MUC4: variants seen among roughly 807,000 people sequenced by gnomAD.
MUC4 encodes the protein mucin 4, cell surface associated, also known as mucin-4.
Under a neutral mutation model 257.9 loss-of-function variants are expected in MUC4, and 202 were observed. The observed-to-expected ratio is 0.78, with a 90% CI of 0.70 to 0.88. The LOEUF (loss-of-function observed/expected upper bound fraction) is 0.88. Ranked by LOEUF, MUC4 falls within the 40% of genes least tolerant of loss-of-function variation. The pLI, the probability that MUC4 is intolerant of heterozygous loss-of-function variation, is 0.00. For missense variants in MUC4, 5,976 were observed against 6,513.7 expected (o/e 0.92, Z 2.84); for synonymous variants, 2,351 against 2,757.1 (o/e 0.85, Z 4.62).
At chr3:195,798,481 A>C (rs1354206423) in intron 1 of MUC4, among the ~76,000 whole-genome samples, 1 of 152,150 alleles carries the variant, frequency 6.6e-6, no homozygotes, top group African/African-American at 2.4e-5. Context: ...AGGTGGGCGG[A>C]TCATGAGGTC....
At position 195,757,437 on chromosome 3, in the gene MUC4, C is replaced by T; in HGVS notation, c.14987-109G>A. 1 of 990,958 alleles carries T rather than the reference C, an allele frequency of 1.0e-6. No individual in the cohort carries two copies. The highest frequency in any genetic ancestry group is 1.5e-6 in the Non-Finnish European group (1 of 677,188). 61.4% of individuals were successfully genotyped at this position (990,958 alleles called of 1,614,324 possible). A position where few individuals can be genotyped will look rare whatever the true frequency, so the allele number is the denominator to read the frequency against. The stretch of plus-strand genomic sequence containing the variant: ...CCCTCTCAGGCCACCCTCCCCCTCC[C>T]CAGACAAATCTCATTGGTCATTTCC... On this transcript the variant is annotated intron_variant, in intron 17 of 24. Coordinates refer to ENST00000463781, the MANE Select transcript of MUC4 (RefSeq NM_018406.7). This position sits in a 1 kb window ranked among gnomAD's most constrained non-coding sequence, Gnocchi z 4.8.
In MUC4 at chr3:195,790,436, T is replaced by C. The variant is rs1733715574; in HGVS notation, c.1144A>G (p.Ser382Gly). ...SGETTTSSPS[S>G]VSNTFLVTSK... ...GTTACCAGGAATGTATTGCTGACAC[T>C]GGAAGGGGATGAGGTGGTTGTTTCA... is the stretch of plus-strand genomic sequence containing the variant. The change falls in exon 2 of 25, where the codon AGT becomes GGT. Residue 382 changes from serine (S) to glycine (G), a missense_variant. Around this residue, in one of 44 missense-constraint regions of MUC4, gnomAD observed 1,583 missense variants for 1,257.4 expected, o/e 1.26. Coordinates refer to ENST00000463781, the MANE Select transcript of MUC4 (RefSeq NM_018406.7). 1.9e-6 allele frequency: 3 copies of C among 1,613,832 alleles called. No homozygotes were observed. In the African/African-American group the frequency reaches 4.0e-5, roughly 22 times the overall value.
At chr3:195,778,663 T>A in intron 2 of MUC4, 127 bp downstream of exon 2, 1 of 1,293,012 alleles carries the variant, frequency 7.7e-7, no homozygotes, top group Non-Finnish European at 1.1e-6. Context: ...CATCACCTCC[T>A]CCCCTGTGGG....
rs541421636 is a variant in MUC4, at chr3:195,756,592, CCCTTTCTTTCCTTT to C, written c.15168+541_15168+554del. On this transcript the variant is annotated intron_variant, in intron 18 of 24. Coordinates refer to ENST00000463781, the MANE Select transcript of MUC4 (RefSeq NM_018406.7). The stretch of plus-strand genomic sequence containing the variant: ...CTTTCTTTCTTTCTTTTTCTCCTTT[CCCTTTCTTTCCTTT>C]CCTTTCTTTCCTTTCCTTTCTTTCC... Among the ~76,000 whole-genome samples, 844 of 150,600 alleles carry C rather than the reference CCCTTTCTTTCCTTT, an allele frequency of 5.6e-3. 3 individuals carry two copies. The highest frequency in any genetic ancestry group is 8.6e-3 in the Non-Finnish European group (582 of 67,700).
rs117133555 is a variant in MUC4 at position 195,811,890 on chromosome 3, G to C, written c.-73C>G. 1 of 1,456,582 alleles carries C rather than the reference G, an allele frequency of 6.9e-7. No individual in the cohort carries two copies. The highest frequency in any genetic ancestry group is 9.5e-7 in the Non-Finnish European group (1 of 1,049,222). 90.2% of individuals were successfully genotyped at this position (1,456,582 alleles called of 1,614,324 possible). A position where few individuals can be genotyped will look rare whatever the true frequency, so the allele number is the denominator to read the frequency against. On this transcript the variant is annotated 5_prime_UTR_variant, in exon 1 of 25. Coordinates refer to ENST00000463781, the MANE Select transcript of MUC4 (RefSeq NM_018406.7). ...AGCAGCTGCAGTGTGAGGAGCAGAC[G>C]TGAGCCCGTCCCCTCAGGCGGCTGG...
intron 3 of MUC4, among the ~76,000 whole-genome samples, chr3:195,775,832 A>T (rs1233613168): frequency 1.5e-5 from 1 of 65,238 alleles, no homozygotes; most frequent in African/African-American, 8.3e-5. Context: ...TTCCACGGTC[A>T]TACCTTCCAC....
chr3:195,781,734 A>G lies in MUC4; in HGVS notation c.9846T>C (p.Pro3282=). ...TGGATGATGAGGAAGTGTCGGTGAC[A>G]GGAAGAGAGGTGGTGTCACCTGTGT... The part of the protein sequence containing the change: ...SAYTGDTTSL[P]VTDTSSSSTG... The change falls in exon 2 of 25, where the codon CCT becomes CCC. Residue 3282 remains proline (P), a synonymous_variant. Coordinates refer to ENST00000463781, the MANE Select transcript of MUC4 (RefSeq NM_018406.7). The G allele has an allele frequency of 6.8e-7, 1 of 1,476,170 alleles. No individual in the cohort carries two copies. The highest frequency in any genetic ancestry group is 9.0e-7 in the Non-Finnish European group (1 of 1,107,172). 91.4% of individuals were successfully genotyped at this position (1,476,170 alleles called of 1,614,324 possible). A position where few individuals can be genotyped will look rare whatever the true frequency, so the allele number is the denominator to read the frequency against.
intron 1 of MUC4, among the ~76,000 whole-genome samples, chr3:195,802,700 T>A (rs1735501235): frequency 6.6e-6 from 1 of 152,148 alleles, no homozygotes; most frequent in South Asian, 2.1e-4. Context: ...TTCGTCTGGT[T>A]GTGACTGAGG....
At chr3:195,775,689 C>T (rs1387080595) in intron 3 of MUC4, among the ~76,000 whole-genome samples, 2 of 24,064 alleles carry the variant, frequency 8.3e-5, no homozygotes, top group Non-Finnish European at 7.3e-5. Context: ...CCGATACCTT[C>T]CACACCCATA....
rs373628892 is a variant in MUC4 at position 195,757,335 on chromosome 3, C to T, written c.14987-7G>A. On this transcript the variant is annotated splice_region_variant and splice_polypyrimidine_tract_variant and intron_variant, in intron 17 of 24. Transcript: ENST00000463781. This position sits in a 1 kb window ranked among gnomAD's most constrained non-coding sequence, Gnocchi z 4.8. ...CACAGCAACGTCCCATTCTCTGCCCCGGGGAAGATGAGAATGTTGAGAGCT... is the reference window on the plus strand; with the variant it reads ...CACAGCAACGTCCCATTCTCTGCCCTGGGGAAGATGAGAATGTTGAGAGCT... 42 of 1,585,782 alleles carry T rather than the reference C, an allele frequency of 2.6e-5. No individual in the cohort carries two copies. Among genetic ancestry groups the T allele is most frequent in the African/African-American group, 4.0e-5 (3 of 74,444 alleles).
intron 6 of MUC4, 172 bp from the exon 7 acceptor site, chr3:195,769,324 G>A: frequency 1.1e-6 from 1 of 951,826 alleles, no homozygotes; most frequent in Non-Finnish European, 1.5e-6. Context: ...GGTCAGTGAG[G>A]GCAGCTTTCA....
At position 195,752,379 on chromosome 3, in the gene MUC4, G is replaced by A. The variant is rs192339348; in HGVS notation, c.15576C>T (p.Asn5192=). The part of the protein sequence containing the change: ...EEENASMAEV[N]ASVAYRLGTL... ...CGCGGCCTGCAGCACTGACCGAGGCGTTGACTTCTGCCATGGAGGCATTTT... is the reference window on the plus strand; with the variant it reads ...CGCGGCCTGCAGCACTGACCGAGGCATTGACTTCTGCCATGGAGGCATTTT... The change falls in exon 21 of 25, where the codon AAC becomes AAT. Residue 5192 remains asparagine (N), a synonymous_variant. Coordinates refer to ENST00000463781, the MANE Select transcript of MUC4 (RefSeq NM_018406.7). 6.6e-5 allele frequency: 107 copies of A among 1,613,504 alleles called. No individual in the cohort carries two copies. The highest frequency in any genetic ancestry group is 1.9e-4 in the South Asian group (17 of 91,072).
intron 2 of MUC4, 117 bp downstream of exon 2, chr3:195,778,673 G>T (rs73891103): frequency 2.4e-5 from 32 of 1,329,124 alleles, no homozygotes; most frequent in Non-Finnish European, 3.3e-5. Context: ...TCCCCTGTGG[G>T]ACCTGACACG....
At position 195,771,654 on chromosome 3, in the gene MUC4, G is replaced by A. The variant is rs140744285; in HGVS notation, c.13240C>T (p.Gln4414Ter). 2 of 1,613,150 alleles carry A rather than the reference G, an allele frequency of 1.2e-6. No homozygotes were observed. Among genetic ancestry groups the A allele is most frequent in the Non-Finnish European group, 1.7e-6 (2 of 1,179,298 alleles). Residue 4414 changes from glutamine to a stop codon, truncating the protein, a stop_gained and splice_region_variant, in exon 5 of 25, where the codon CAG becomes TAG. Transcript: ENST00000463781. LOFTEE classifies it high-confidence loss of function. ...CTGCCAGGCTTTGAAAGGCTCACCT[G>A]ATAAAATGTGGTCCCCCGACCAGTG... ...FSTGRGTTFYQEYETFYGEHS... is the reference protein window; with the variant it reads ...FSTGRGTTFY
rs1021221258 is a variant in MUC4, at chr3:195,759,367, T to A, written c.14849-106A>T. 2.8e-6 allele frequency: 4 copies of A among 1,405,652 alleles called. No individual in the cohort carries two copies. The African/African-American group carries it at 4.3e-5, about 15-fold the overall frequency. 87.1% of individuals were successfully genotyped at this position (1,405,652 alleles called of 1,614,324 possible). Reference sequence around the variant, plus strand: ...TATGTGTGAGGCATTCCCAGGACTGTGACCCACCTCTGGAAGAAGGAATTA... The same window carrying A: ...TATGTGTGAGGCATTCCCAGGACTGAGACCCACCTCTGGAAGAAGGAATTA... On this transcript the variant is annotated intron_variant, in intron 16 of 24. Transcript: ENST00000463781.
Position 195,783,893 on chromosome 3 carries a change from C to T in MUC4, c.7687G>A (p.Val2563Ile). ...GTGGATGCTGCGGAAGTGTCGGTGA[C>T]AGGAAGAGAGGTGGCGTGACCTGTG... ...ASTGHATSLP[V>I]TDTSAASTGH... The change falls in exon 2 of 25, where the codon GTC becomes ATC. Residue 2563 changes from valine to isoleucine, a missense_variant. By Grantham distance (29) the Val-to-Ile change is conservative. Coordinates refer to ENST00000463781, the MANE Select transcript of MUC4 (RefSeq NM_018406.7). 3.3e-6 allele frequency: 5 copies of T among 1,507,940 alleles called. No individual in the cohort carries two copies. The highest frequency in any genetic ancestry group is 2.0e-5 in the Admixed American group (1 of 48,872). 93.4% of individuals were successfully genotyped at this position (1,507,940 alleles called of 1,614,324 possible).
chr3:195,779,103 G>A lies in MUC4; in HGVS notation c.12477C>T (p.Thr4159=), dbSNP rs1340577384. 13 of 1,508,782 alleles carry A rather than the reference G, an allele frequency of 8.6e-6. No individual in the cohort carries two copies. Among genetic ancestry groups the A allele is most frequent in the Non-Finnish European group, 1.2e-5 (13 of 1,122,512 alleles). The allele number at this position is 1,508,782 out of a possible 1,614,324, so 93.5% of individuals were successfully genotyped here. Residue 4159 remains threonine (T), a synonymous_variant, in exon 2 of 25, where the codon ACC becomes ACT. Transcript: ENST00000463781. ...AGGAAGCGTCGGTGACAGGAAGAGA[G>A]GTGGTGTGACCTGAGGATGCTGAGG... ...IPSSASSGHT[T]SLPVTDASSV... is the part of the protein sequence containing the mutation.
chr3:195,768,672 G>C (rs1722141597), intron 7 of MUC4, among the ~76,000 whole-genome samples: 1 of 152,220 alleles, frequency 6.6e-6, no homozygotes, highest in South Asian at 2.1e-4. Context: ...ATGACATGCA[G>C]TAATGTACAC....
At position 195,785,794 on chromosome 3, in the gene MUC4, G is replaced by A. The variant is rs79300100; in HGVS notation, c.5786C>T (p.Ala1929Val). The change falls in exon 2 of 25, where the codon GCA becomes GTA. Residue 1929 changes from alanine (A) to valine (V), a missense_variant. Physicochemically the swap from Ala to Val is moderately conservative, Grantham distance 64 (BLOSUM62 0). Around this residue, in one of 44 missense-constraint regions of MUC4, gnomAD observed 87 missense variants for 104.6 expected, o/e 0.83. Coordinates refer to ENST00000463781, the MANE Select transcript of MUC4 (RefSeq NM_018406.7). ...TSLPVTSLSS[A>V]STGDTTPLPV... ...AAGAGGCGTGGTGTCACCTGTGGAT[G>A]CTGAGGAAAGGCTGGTGACAGGAAG... 14,179 of 1,257,592 alleles carry A rather than the reference G, an allele frequency of 0.011. 2,272 individuals carry two copies. Among genetic ancestry groups the A allele is most frequent in the Middle Eastern group, 0.062 (212 of 3,420 alleles). The allele number at this position is 1,257,592 out of a possible 1,614,324, so 77.9% of individuals were successfully genotyped here.
Sources: gnomAD v4.1 joint callset for allele counts (sites outside exome capture counted in the v4.1 genomes callset) on GRCh38, gnomAD v4.1.1 for gene constraint, gnomAD v4.1.1 regional missense constraint, Gnocchi (gnomAD v3.1) non-coding constraint, MANE v1.5 for transcripts, NCBI Gene and HGNC (gene_info 2026-07-23, HGNC 2026-07-21) for gene names.